TNFRSF19: variants seen among roughly 807,000 people sequenced by gnomAD.
TNFRSF19 encodes TNF receptor superfamily member 19.
Under a neutral mutation model 46.4 loss-of-function variants are expected in TNFRSF19, and 27 were observed. That is an observed-to-expected ratio of 0.58 (90% confidence interval 0.43 to 0.80). The LOEUF (loss-of-function observed/expected upper bound fraction) is 0.80, where lower values mean the gene tolerates loss of function less well. TNFRSF19 is among the 30% of genes least tolerant of loss of function. The pLI, the probability that TNFRSF19 is intolerant of heterozygous loss-of-function variation, is 0.00. For synonymous variants in TNFRSF19, 204 were observed against 205.0 expected (o/e 1.00, Z 0.04); for missense variants, 511 against 530.8 (o/e 0.96, Z 0.37).
chr13:23,606,361 A>T (rs114589761), intron 3 of TNFRSF19, among the ~76,000 whole-genome samples: 84,393 of 140,462 alleles, frequency 0.6, 24,249 homozygotes, highest in East Asian at 0.7. Context: ...AATTTTTTTA[A>T]AAAAAAAGAC....
At chr13:23,633,631 C>T (rs61241042) in intron 5 of TNFRSF19, among the ~76,000 whole-genome samples, 1 of 152,150 alleles carries the variant, frequency 6.6e-6, no homozygotes, top group African/African-American at 2.4e-5. Context: ...GGTGGATCAC[C>T]TGAGGTCAGA....
chr13:23,608,302 T>C (rs1880655335), intron 3 of TNFRSF19, among the ~76,000 whole-genome samples: 1 of 152,272 alleles, frequency 6.6e-6, no homozygotes, highest in Non-Finnish European at 1.5e-5. Flanking sequence ...AAATATGAGC[T>C]ATCTCTTGTA....
At position 23,668,979 on chromosome 13, in the gene TNFRSF19, C is replaced by G; in HGVS notation, c.1127C>G (p.Ser376Cys). 2 of 1,614,212 alleles carry G rather than the reference C, an allele frequency of 1.2e-6. No homozygotes were observed. The highest frequency in any genetic ancestry group is 8.5e-7 in the Non-Finnish European group (1 of 1,180,038). ...SENFTAATDL[S>C]RYNNTLVESA... Reference sequence around the variant, plus strand: ...AACTTTACAGCAGCTACTGATTTATCTAGATATAACAACACACTGGTAGAA... The same window carrying G: ...AACTTTACAGCAGCTACTGATTTATGTAGATATAACAACACACTGGTAGAA... Residue 376 changes from serine to cysteine, a missense_variant, in exon 9 of 10, where the codon TCT becomes TGT. By Grantham distance (112) the Ser-to-Cys change is moderately radical. This residue lies in a region of TNFRSF19 where 376 missense variants were observed against 372.7 expected (regional missense o/e 1.01). Coordinates refer to ENST00000248484, the MANE Select transcript of TNFRSF19 (RefSeq NM_148957.4).
rs1319859167 is a variant in TNFRSF19 at position 23,673,475 on chromosome 13, G to A, written c.*95G>A. The A allele has an allele frequency of 2.8e-6, 4 of 1,426,978 alleles. No homozygotes were observed. The highest frequency in any genetic ancestry group is 2.9e-5 in the African/African-American group (2 of 68,846). 88.4% of individuals were successfully genotyped at this position (1,426,978 alleles called of 1,614,324 possible). Reference sequence around the variant, plus strand: ...GACTGAGCAGTCTGGACCTTGCATGGCTTCTGGGGCAAAAATAAATCTGAA... The same window carrying A: ...GACTGAGCAGTCTGGACCTTGCATGACTTCTGGGGCAAAAATAAATCTGAA... On this transcript the variant is annotated 3_prime_UTR_variant, in exon 10 of 10. Coordinates refer to ENST00000248484, the MANE Select transcript of TNFRSF19 (RefSeq NM_148957.4).
chr13:23,624,690 G>A (rs193001862), intron 4 of TNFRSF19, among the ~76,000 whole-genome samples: 9 of 151,396 alleles, frequency 5.9e-5, no homozygotes, highest in Admixed American at 4.6e-4. Flanking sequence ...AGAAATAGTC[G>A]CTGTTCATAT....
chr13:23,579,194 C>T (rs1486403635), intron 1 of TNFRSF19, among the ~76,000 whole-genome samples: 2 of 152,226 alleles, frequency 1.3e-5, no homozygotes, highest in Non-Finnish European at 2.9e-5. Flanking sequence ...GGAGTGGGGG[C>T]CTCCAAAGAA....
chr13:23,671,971 C>T (rs1294899600), intron 9 of TNFRSF19, among the ~76,000 whole-genome samples: 1 of 152,230 alleles, frequency 6.6e-6, no homozygotes, highest in Non-Finnish European at 1.5e-5. Flanking sequence ...TAGCTTGGCT[C>T]CATGATGTGG....
At chr13:23,652,512 G>A (rs1233492961) in intron 5 of TNFRSF19, among the ~76,000 whole-genome samples, 1 of 152,200 alleles carries the variant, frequency 6.6e-6, no homozygotes, top group African/African-American at 2.4e-5. Context: ...GACTAGAGAA[G>A]GCTAAGTTTT....
chr13:23,664,957 T>C (rs1263607670), intron 7 of TNFRSF19, among the ~76,000 whole-genome samples: 4 of 152,236 alleles, frequency 2.6e-5, no homozygotes, highest in South Asian at 4.1e-4. Flanking sequence ...TGGGCCATCA[T>C]TGAACAAAAT....
At chr13:23,672,274 G>A (rs141349368) in intron 9 of TNFRSF19, among the ~76,000 whole-genome samples, 98 of 152,292 alleles carry the variant, frequency 6.4e-4, no homozygotes, top group African/African-American at 2.3e-3. Context: ...CTCTCCAGAA[G>A]GGAACAAAAC....
rs189565133 is a variant in TNFRSF19, at chr13:23,625,474, G to A, written c.360-1233G>A. Reference sequence around the variant, plus strand: ...CTCCCTAGTAGCTGGGACTACAGGCGCCCGCCACCACGCCCAGCTATTTTT... The same window carrying A: ...CTCCCTAGTAGCTGGGACTACAGGCACCCGCCACCACGCCCAGCTATTTTT... On this transcript the variant is annotated intron_variant, in intron 4 of 9. Coordinates refer to ENST00000248484, the MANE Select transcript of TNFRSF19 (RefSeq NM_148957.4). Among the ~76,000 whole-genome samples, 832 of 151,762 alleles carry A rather than the reference G, an allele frequency of 5.5e-3. 10 individuals are homozygous for A. Among genetic ancestry groups the A allele is most frequent in the African/African-American group, 0.019 (778 of 41,378 alleles).
chr13:23,619,053 TA>T (rs1359414464), intron 4 of TNFRSF19, among the ~76,000 whole-genome samples: 2 of 152,186 alleles, frequency 1.3e-5, no homozygotes, highest in Non-Finnish European at 2.9e-5. Flanking sequence ...CTATGAGAAA[TA>T]AATTTCTGTT....
intron 3 of TNFRSF19, among the ~76,000 whole-genome samples, chr13:23,609,923 T>C (rs1029487303): frequency 4.6e-5 from 7 of 152,156 alleles, no homozygotes; most frequent in African/African-American, 1.7e-4. Context: ...CAGTTTTCTC[T>C]AAAAAACTCA....
intron 5 of TNFRSF19, among the ~76,000 whole-genome samples, chr13:23,646,043 T>C (rs2138351025): frequency 1.3e-5 from 2 of 152,298 alleles, no homozygotes; most frequent in South Asian, 4.1e-4. Context: ...CAATTACTCT[T>C]AGAACAAACA....
At chr13:23,648,066 T>C (rs1446556741) in intron 5 of TNFRSF19, among the ~76,000 whole-genome samples, 1 of 152,176 alleles carries the variant, frequency 6.6e-6, no homozygotes. Context: ...TTTTGACTAT[T>C]TCAGGGTTCC....
chr13:23,574,154 T>G (rs996753278), intron 1 of TNFRSF19, among the ~76,000 whole-genome samples: 2 of 151,992 alleles, frequency 1.3e-5, no homozygotes, highest in Non-Finnish European at 2.9e-5. Flanking sequence ...TACAGGACTC[T>G]CATGGCCAAA....
intron 7 of TNFRSF19, among the ~76,000 whole-genome samples, chr13:23,661,727 T>C (rs1884379818): frequency 6.6e-6 from 1 of 152,228 alleles, no homozygotes; most frequent in African/African-American, 2.4e-5. Context: ...TTTTTAATAA[T>C]AGTCATTCTG....
At chr13:23,634,905 A>T (rs920301001) in intron 5 of TNFRSF19, among the ~76,000 whole-genome samples, 4 of 152,144 alleles carry the variant, frequency 2.6e-5, no homozygotes, top group Non-Finnish European at 5.9e-5. Flanking sequence ...TAGGGGGTTT[A>T]CTTGAGTACC....
At chr13:23,660,578 C>A in intron 7 of TNFRSF19, 88 bp downstream of exon 7, 2 of 1,458,018 alleles carry the variant, frequency 1.4e-6, no homozygotes, top group Admixed American at 2.3e-5. Flanking sequence ...ATTCACCTCA[C>A]AGCGAGGTGG....
Sources: gnomAD v4.1 joint callset for allele counts (sites outside exome capture counted in the v4.1 genomes callset) on GRCh38, gnomAD v4.1.1 for gene constraint, gnomAD v4.1.1 regional missense constraint, MANE v1.5 for transcripts, NCBI Gene and HGNC (gene_info 2026-07-23, HGNC 2026-07-21) for gene names.